PKIA: variants seen among roughly 807,000 people sequenced by gnomAD.
PKIA encodes the protein cAMP-dependent protein kinase inhibitor alpha.
Under a neutral mutation model 7.6 loss-of-function variants are expected in PKIA, and 4 were observed. The observed-to-expected ratio is 0.52, with a 90% CI of 0.26 to 1.20. The LOEUF (loss-of-function observed/expected upper bound fraction) is 1.20, where lower values mean the gene tolerates loss of function less well. Ranked by LOEUF, PKIA falls within the 50% of genes most tolerant of loss-of-function variation. The pLI is 0.13. For missense variants in PKIA, 73 were observed against 86.2 expected, an observed-to-expected ratio of 0.85 and a Z score of 0.61; for synonymous variants, 21 against 30.7, an observed-to-expected ratio of 0.68 and a Z score of 1.04.
intron 2 of PKIA, among the ~76,000 whole-genome samples, chr8:78,574,749 G>A (rs1265692639): frequency 6.6e-6 from 1 of 151,880 alleles, no homozygotes; most frequent in Non-Finnish European, 1.5e-5. Context: ...CATTCACTAT[G>A]CACAATTTTT....
chr8:78,550,547 C>T (rs1189994935), intron 1 of PKIA, among the ~76,000 whole-genome samples: 2 of 152,042 alleles, frequency 1.3e-5, no homozygotes, highest in African/African-American at 4.8e-5. Flanking sequence ...CAATCCAAAC[C>T]TGGAACACAG....
intron 1 of PKIA, among the ~76,000 whole-genome samples, chr8:78,528,401 G>A (rs1353758861): frequency 6.6e-6 from 1 of 151,862 alleles, no homozygotes; most frequent in African/African-American, 2.4e-5. Context: ...TTTTTCTTCC[G>A]CTTTATAACT....
intron 2 of PKIA, among the ~76,000 whole-genome samples, chr8:78,586,804 G>GT (rs775995996): frequency 1.1e-4 from 16 of 152,124 alleles, no homozygotes; most frequent in Admixed American, 3.9e-4. Context: ...ACTGTAAATG[G>GT]TTAAATCACC....
chr8:78,538,487 T>G (rs373509068), intron 1 of PKIA, among the ~76,000 whole-genome samples: 4 of 152,000 alleles, frequency 2.6e-5, no homozygotes, highest in East Asian at 3.9e-4. Flanking sequence ...AAAGAGGCAT[T>G]CAAGCTTATT....
intron 1 of PKIA, among the ~76,000 whole-genome samples, chr8:78,536,637 T>G (rs544474849): frequency 6.6e-6 from 1 of 152,022 alleles, no homozygotes; most frequent in Non-Finnish European, 1.5e-5. Context: ...GCATGAGAAT[T>G]ATTACTCAAT....
intron 3 of PKIA, 104 bp downstream of exon 3, chr8:78,598,639 TAA>T: frequency 2.4e-6 from 2 of 846,356 alleles, no homozygotes; most frequent in Non-Finnish European, 1.9e-6. Context: ...TAATCTAATG[TAA>T]AGAGTTTTAA....
At chr8:78,564,273 T>G (rs1229892958) in intron 1 of PKIA, among the ~76,000 whole-genome samples, 2 of 151,992 alleles carry the variant, frequency 1.3e-5, no homozygotes, top group African/African-American at 4.8e-5. Flanking sequence ...AGCCCATTTG[T>G]GGTTGGTGTT....
intron 1 of PKIA, among the ~76,000 whole-genome samples, chr8:78,546,812 G>T (rs1419216618): frequency 6.6e-6 from 1 of 152,142 alleles, no homozygotes; most frequent in Non-Finnish European, 1.5e-5. Flanking sequence ...GAAGACAGAG[G>T]TCATGTTATA....
intron 1 of PKIA, among the ~76,000 whole-genome samples, chr8:78,569,524 G>A (rs2118548980): frequency 6.6e-6 from 1 of 152,194 alleles, no homozygotes; most frequent in East Asian, 1.9e-4. Flanking sequence ...ATATAGGGGA[G>A]CTTCCTTCTA....
chr8:78,544,929 T>C (rs1806783893), intron 1 of PKIA, among the ~76,000 whole-genome samples: 1 of 152,142 alleles, frequency 6.6e-6, no homozygotes, highest in Non-Finnish European at 1.5e-5. Context: ...AAATAGCCAG[T>C]AATAGAGGCC....
At chr8:78,553,171 C>T (rs1171392676) in intron 1 of PKIA, among the ~76,000 whole-genome samples, 2 of 151,170 alleles carry the variant, frequency 1.3e-5, no homozygotes, top group Non-Finnish European at 2.9e-5. Flanking sequence ...CTTTATACTC[C>T]AGTACCCGTA....
chr8:78,521,941 T>G (rs1017262938), intron 1 of PKIA, among the ~76,000 whole-genome samples: 3 of 151,932 alleles, frequency 2.0e-5, no homozygotes. Context: ...ACCTCATAAG[T>G]GGAATCACTT....
intron 1 of PKIA, among the ~76,000 whole-genome samples, chr8:78,541,014 T>C (rs1399616431): frequency 6.6e-6 from 1 of 152,068 alleles, no homozygotes; most frequent in Non-Finnish European, 1.5e-5. Flanking sequence ...ACAAGGTACA[T>C]TTACAAAATT....
chr8:78,545,125 T>G (rs575349972), intron 1 of PKIA, among the ~76,000 whole-genome samples: 2 of 152,276 alleles, frequency 1.3e-5, no homozygotes, highest in Admixed American at 1.3e-4. Context: ...AAGAAAGGAT[T>G]ATGCAAAATG....
intron 2 of PKIA, chr8:78,591,159 A>C (rs900057620): frequency 4.6e-5 from 7 of 152,640 alleles, no homozygotes; most frequent in Non-Finnish European, 8.8e-5. Context: ...TAAAATTAGC[A>C]TGTTACCCAG....
intron 1 of PKIA, chr8:78,535,203 T>A (rs904681938): frequency 3.3e-5 from 5 of 152,182 alleles, no homozygotes; most frequent in Non-Finnish European, 5.9e-5. Context: ...ACTGCCATGA[T>A]GTAAGATTGA....
At chr8:78,532,213 G>C (rs902982440) in intron 1 of PKIA, among the ~76,000 whole-genome samples, 1 of 151,676 alleles carries the variant, frequency 6.6e-6, no homozygotes, top group Non-Finnish European at 1.5e-5. Context: ...AAATTATTAG[G>C]TATTTTTTCA....
At chr8:78,590,666 G>T (rs928630429) in intron 2 of PKIA, among the ~76,000 whole-genome samples, 40 of 151,490 alleles carry the variant, frequency 2.6e-4, no homozygotes, top group African/African-American at 9.5e-4. Flanking sequence ...TTGCTTTGGA[G>T]AATATATTTT....
rs900194032 is a variant in PKIA at position 78,602,282 on chromosome 8, CTG to C, written c.*467_*468del. On this transcript the variant is annotated 3_prime_UTR_variant, in exon 4 of 4. Coordinates refer to ENST00000396418, the MANE Select transcript of PKIA (RefSeq NM_006823.4). ...AAGCACTGTTTTTAGCATTACGTAT[CTG>C]TGTGTTACTGCTGTGTTATTTACAC... is the stretch of plus-strand genomic sequence containing the variant. The C allele has an allele frequency of 1.2e-5, 2 of 171,602 alleles. No homozygotes were observed. The highest frequency in any genetic ancestry group is 4.8e-5 in the African/African-American group (2 of 41,700). 10.6% of individuals were successfully genotyped at this position (171,602 alleles called of 1,614,324 possible).
Sources: gnomAD v4.1 joint callset for allele counts (sites outside exome capture counted in the v4.1 genomes callset) on GRCh38, gnomAD v4.1.1 for gene constraint, MANE v1.5 for transcripts, NCBI Gene and HGNC (gene_info 2026-07-23, HGNC 2026-07-21) for gene names.